The following NAP1L1 variants were observed in gnomAD, a reference collection of about 807,000 sequenced individuals.
NAP1L1 encodes the protein nucleosome assembly protein 1 like 1.
In NAP1L1, 9 loss-of-function variants were observed where a neutral mutation model predicts 58.9. The observed-to-expected ratio is 0.15, with a 90% CI of 0.09 to 0.27. The LOEUF is 0.27. NAP1L1 is among the 10% of genes least tolerant of loss of function. The pLI, the probability that NAP1L1 is intolerant of heterozygous loss-of-function variation, is 1.00. For synonymous variants in NAP1L1, 130 were observed against 138.3 expected, an observed-to-expected ratio of 0.94 and a Z score of 0.42; for missense variants, 302 against 458.8, an observed-to-expected ratio of 0.66 and a Z score of 3.12.
In NAP1L1 at chr12:76,050,543, A is replaced by G; in HGVS notation, c.1047T>C (p.Asp349=). 1.2e-6 allele frequency: 2 copies of G among 1,602,682 alleles called. No homozygotes were observed. Among genetic ancestry groups the G allele is most frequent in the Non-Finnish European group, 1.7e-6 (2 of 1,176,298 alleles). The change falls in exon 12 of 15, where the codon GAT becomes GAC. Residue 349 remains aspartate, a synonymous_variant. Transcript: ENST00000618691. ...VLYFTGEAIE[D]DDDDYDEEGE... is the part of the protein sequence containing the mutation. ...CAAATTCGCTTACATCATCATCATC[A>G]TCTTCAATAGCTTCTCCAGTAAAAT...
rs1258613521 is a variant in NAP1L1 at position 76,044,382 on chromosome 12, A to C, written c.*4047T>G. Reference sequence around the variant, plus strand: ...GTAATATTTTATCCTGGGTTTCAAAATAATAAAACTCAGTTTGTTCTAGGA... The same window carrying C: ...GTAATATTTTATCCTGGGTTTCAAACTAATAAAACTCAGTTTGTTCTAGGA... On this transcript the variant is annotated 3_prime_UTR_variant, in exon 15 of 15. Transcript: ENST00000618691. The C allele has an allele frequency of 3.3e-5, 5 of 152,214 alleles. No individual in the cohort carries two copies. Among genetic ancestry groups the C allele is most frequent in the Non-Finnish European group, 7.3e-5 (5 of 68,028 alleles). The allele number at this position is 152,214 out of a possible 1,614,324, so 9.4% of individuals were successfully genotyped here.
chr12:76,071,941 G>A lies in NAP1L1; in HGVS notation c.17+2262C>T, dbSNP rs557220667. ...GATCTTTACCCAGACACTGTTCAAC[G>A]ATGAATCTGACTAGCCCAGAAAAAA... On this transcript the variant is annotated intron_variant, in intron 2 of 14. Transcript: ENST00000618691. Among the ~76,000 whole-genome samples the A allele has an allele frequency of 6.8e-5, 9 of 131,706 alleles. No homozygotes were observed. The East Asian group carries it at 7.1e-4, about 10-fold the overall frequency. 86.4% of individuals were successfully genotyped at this position (131,706 alleles called of 152,430 possible). A position where few individuals can be genotyped will look rare whatever the true frequency, so the allele number is the denominator to read the frequency against.
chr12:76,050,783 G>A, intron 11 of NAP1L1, 130 bp from the exon 12 acceptor site: 1 of 911,780 alleles, frequency 1.1e-6, no homozygotes, highest in Non-Finnish European at 1.6e-6. Context: ...GGAGGCCAAA[G>A]TAGGAGGATC....
chr12:76,055,594 C>T (rs994914077), intron 7 of NAP1L1, among the ~76,000 whole-genome samples: 3 of 152,184 alleles, frequency 2.0e-5, no homozygotes, highest in African/African-American at 7.2e-5. Context: ...GAGGCAGTTT[C>T]CCAAAGGTGA....
Position 76,059,885 on chromosome 12 carries a change from T to C in NAP1L1, c.349-7A>G. ...CATTAATAATTTCAAATCGCTAAAA[T>C]GATTTAAAAAAAAAAGGCTGTATAA... On this transcript the variant is annotated splice_region_variant and splice_polypyrimidine_tract_variant and intron_variant, in intron 5 of 14. Coordinates refer to ENST00000618691, the MANE Select transcript of NAP1L1 (RefSeq NM_004537.7). The C allele has an allele frequency of 6.4e-7, 1 of 1,563,964 alleles. No individual in the cohort carries two copies. The highest frequency in any genetic ancestry group is 1.2e-5 in the South Asian group (1 of 84,342).
rs1168690176 is a variant in NAP1L1 at position 76,044,531 on chromosome 12, G to A, written c.*3898C>T. On this transcript the variant is annotated 3_prime_UTR_variant, in exon 15 of 15. Coordinates refer to ENST00000618691, the MANE Select transcript of NAP1L1 (RefSeq NM_004537.7). ...CTTCTTTTATTCAGACTCTTGGCTT[G>A]AGGATGACATGGTCGGGCCTCAATA... 6.6e-6 allele frequency: 1 copy of A among 152,118 alleles called. No individual in the cohort carries two copies. Among genetic ancestry groups the A allele is most frequent in the Admixed American group, 6.5e-5 (1 of 15,270 alleles). 9.4% of individuals were successfully genotyped at this position (152,118 alleles called of 1,614,324 possible).
chr12:76,059,890 T>TA lies in NAP1L1; in HGVS notation c.349-13dup, dbSNP rs543757976. 6,532 of 1,396,574 alleles carry TA rather than the reference T, an allele frequency of 4.7e-3. 4 individuals are homozygous for TA. The highest frequency in any genetic ancestry group is 4.8e-3 in the Non-Finnish European group (4,966 of 1,030,086). The allele number at this position is 1,396,574 out of a possible 1,614,324, so 86.5% of individuals were successfully genotyped here. A position where few individuals can be genotyped will look rare whatever the true frequency, so the allele number is the denominator to read the frequency against. On this transcript the variant is annotated splice_polypyrimidine_tract_variant and intron_variant, in intron 5 of 14. Coordinates refer to ENST00000618691, the MANE Select transcript of NAP1L1 (RefSeq NM_004537.7). The stretch of plus-strand genomic sequence containing the variant: ...ATAATTTCAAATCGCTAAAATGATT[T>TA]AAAAAAAAAAGGCTGTATAAAAACA...
At position 76,049,803 on chromosome 12, in the gene NAP1L1, C is replaced by A; in HGVS notation, c.1060-18G>T. 1.9e-6 allele frequency: 3 copies of A among 1,612,270 alleles called. No individual in the cohort carries two copies. Among genetic ancestry groups the A allele is most frequent in the South Asian group, 2.2e-5 (2 of 90,908 alleles). On this transcript the variant is annotated intron_variant, in intron 12 of 14. Transcript: ENST00000618691. ...TCATCATACTGAAAAGGAAAAACAG[C>A]GTTAAGTGTTGAGTGAATGTAACAC...
At chr12:76,064,825 G>A (rs1159400097) in intron 4 of NAP1L1, among the ~76,000 whole-genome samples, 1 of 151,360 alleles carries the variant, frequency 6.6e-6, no homozygotes, top group African/African-American at 2.4e-5. Context: ...AACTCCCCTG[G>A]ACCTCTACTT....
intron 11 of NAP1L1, among the ~76,000 whole-genome samples, chr12:76,052,383 AT>A (rs1948884380): frequency 6.6e-6 from 1 of 152,166 alleles, no homozygotes; most frequent in Non-Finnish European, 1.5e-5. Context: ...ACACTGCTTT[AT>A]GTTCTCTTTT....
At position 76,054,399 on chromosome 12, in the gene NAP1L1, TTAAAA is replaced by T. The variant is rs551725492; in HGVS notation, c.631-495_631-491del. ...TTATGTTAAAATCAAAAAAATTACGTTAAAATAATAATGAGGTACAAATTGAACTG... is the reference window on the plus strand; with the variant it reads ...TTATGTTAAAATCAAAAAAATTACGTTAATAATGAGGTACAAATTGAACTG... On this transcript the variant is annotated intron_variant, in intron 8 of 14. Coordinates refer to ENST00000618691, the MANE Select transcript of NAP1L1 (RefSeq NM_004537.7). 5.3e-5 allele frequency among the ~76,000 whole-genome samples: 8 copies of T among 152,296 alleles called. No homozygotes were observed. In the South Asian group the frequency reaches 1.7e-3, roughly 32 times the overall value.
chr12:76,077,202 T>A (rs752336109), intron 1 of NAP1L1, among the ~76,000 whole-genome samples: 2 of 152,178 alleles, frequency 1.3e-5, no homozygotes, highest in African/African-American at 4.8e-5. Flanking sequence ...GAAACTTTAG[T>A]AAAGAGGATC....
rs1280537442 is a variant in NAP1L1 at position 76,068,953 on chromosome 12, T to C, written c.59A>G (p.Glu20Gly). 6.2e-7 allele frequency: 1 copy of C among 1,613,536 alleles called. No homozygotes were observed. Among genetic ancestry groups the C allele is most frequent in the South Asian group, 1.1e-5 (1 of 91,050 alleles). ...SELDQDLDDV[E>G]EVEEEETGEE... ...ACCAGTTTCCTCTTCTTCTACTTCT[T>C]CAACATCATCCAAATCTTGATCAAG... The change falls in exon 3 of 15, where the codon GAA (glutamate) becomes GGA (glycine). Residue 20 changes from glutamate to glycine, a missense_variant. Glu to Gly is a moderately conservative substitution (Grantham distance 98, BLOSUM62 -2). Coordinates refer to ENST00000618691, the MANE Select transcript of NAP1L1 (RefSeq NM_004537.7).
chr12:76,084,147 G>A (rs1270582969), intron 1 of NAP1L1: 1 of 152,084 alleles, frequency 6.6e-6, no homozygotes, highest in Non-Finnish European at 1.5e-5. Context: ...TGAGGGAAAA[G>A]CAGGGGGGTG....
intron 6 of NAP1L1, chr12:76,057,311 T>A (rs752022581): frequency 2.8e-5 from 9 of 322,090 alleles, no homozygotes; most frequent in Admixed American, 8.2e-5. Context: ...AACTATAAAA[T>A]GTAAGGAAAT....
chr12:76,062,468 G>A (rs181517822), intron 4 of NAP1L1, among the ~76,000 whole-genome samples: 3 of 152,298 alleles, frequency 2.0e-5, no homozygotes, highest in Non-Finnish European at 4.4e-5. Flanking sequence ...CTATGAAAGA[G>A]TGAATGAAAT....
chr12:76,049,045 G>A lies in NAP1L1; in HGVS notation c.1140+155C>T, dbSNP rs1468517159. ...AACGTCCACTGAAATTATGTGTACTGTTCACAATGCCAGTGGGACTGAAAA... is the reference window on the plus strand; with the variant it reads ...AACGTCCACTGAAATTATGTGTACTATTCACAATGCCAGTGGGACTGAAAA... On this transcript the variant is annotated intron_variant, in intron 14 of 14. Coordinates refer to ENST00000618691, the MANE Select transcript of NAP1L1 (RefSeq NM_004537.7). 4.3e-6 allele frequency: 3 copies of A among 690,772 alleles called. No homozygotes were observed. In the East Asian group the frequency reaches 8.0e-5, roughly 18 times the overall value. The allele number at this position is 690,772 out of a possible 1,614,324, so 42.8% of individuals were successfully genotyped here.
chr12:76,062,150 A>G (rs1052026508), intron 4 of NAP1L1, among the ~76,000 whole-genome samples: 2 of 152,248 alleles, frequency 1.3e-5, no homozygotes, highest in African/African-American at 4.8e-5. Context: ...ACAAGAGCCC[A>G]ATGCGAGGGT....
chr12:76,053,749 A>C, intron 9 of NAP1L1, 21 bp downstream of exon 9: 1 of 1,596,286 alleles, frequency 6.3e-7, no homozygotes, highest in South Asian at 1.1e-5. Context: ...CATTTTGTTA[A>C]GGTAGTAAAA....
Sources: gnomAD v4.1 joint callset for allele counts (sites outside exome capture counted in the v4.1 genomes callset) on GRCh38, gnomAD v4.1.1 for gene constraint, MANE v1.5 for transcripts, NCBI Gene and HGNC (gene_info 2026-07-23, HGNC 2026-07-21) for gene names.